ZC3H4: variants seen among roughly 807,000 people sequenced by gnomAD.
The protein encoded by ZC3H4 is zinc finger CCCH-type containing 4, also known as zinc finger CCCH domain-containing protein 4.
ZC3H4 carries 13 observed loss-of-function variants against 108.3 expected under a neutral mutation model. The ratio of observed to expected loss-of-function variants is 0.12; its 90% confidence interval spans 0.08 to 0.19. The LOEUF is 0.19. ZC3H4 is among the 10% of genes least tolerant of loss of function. ZC3H4 has a pLI of 1.00. For missense variants in ZC3H4, 1,734 were observed against 1,838.8 expected (o/e 0.94, Z 1.04); for synonymous variants, 917 against 749.6 (o/e 1.22, Z -3.65).
chr19:47,112,736 G>A (rs901461899), intron 1 of ZC3H4, 147 bp from the exon 2 acceptor site: 2 of 442,502 alleles, frequency 4.5e-6, no homozygotes, highest in Non-Finnish European at 7.5e-6. Flanking sequence ...CTCCGCGTAG[G>A]CCGCACGGCC....
chr19:47,101,376 G>A (rs1049884513), intron 2 of ZC3H4, among the ~76,000 whole-genome samples: 1 of 151,760 alleles, frequency 6.6e-6, no homozygotes, highest in African/African-American at 2.4e-5. Context: ...GGGCAACACA[G>A]TTAGACCCCG....
rs560408272 is a variant in ZC3H4, at chr19:47,088,926, G to T, written c.715+1041C>A. On this transcript the variant is annotated intron_variant, in intron 5 of 14. Coordinates refer to ENST00000253048, the MANE Select transcript of ZC3H4 (RefSeq NM_015168.2). ...AGAAAGACTGCTAGAAGAACCAATG[G>T]GCCGGGCGCGGTGGCTCACGCCTGT... 5.3e-5 allele frequency among the ~76,000 whole-genome samples: 8 copies of T among 151,796 alleles called. 1 individual carries two copies. In the South Asian group the frequency reaches 1.7e-3, roughly 32 times the overall value.
rs1249953637 is a variant in ZC3H4 at position 47,068,485 on chromosome 19, TCA to T, written c.2398+605_2398+606del. On this transcript the variant is annotated intron_variant, in intron 14 of 14. Transcript: ENST00000253048. ...AAGAGGCAGGGCCGGCTGGGCAGAC[TCA>T]GACATGGGCTCAAGCAAAACCTAGG... 3.9e-5 allele frequency among the ~76,000 whole-genome samples: 6 copies of T among 152,290 alleles called. No individual in the cohort carries two copies. The South Asian group carries it at 8.3e-4, about 21-fold the overall frequency.
intron 2 of ZC3H4, among the ~76,000 whole-genome samples, chr19:47,109,211 G>A (rs550175407): frequency 6.6e-6 from 1 of 152,050 alleles, no homozygotes; most frequent in Non-Finnish European, 1.5e-5. Flanking sequence ...TACAGTTTTT[G>A]ACTTAATTAC....
At chr19:47,078,335 A>G (rs144481192) in intron 11 of ZC3H4, among the ~76,000 whole-genome samples, 260 of 151,844 alleles carry the variant, frequency 1.7e-3, no homozygotes, top group Middle Eastern at 0.01. Flanking sequence ...TTAGCCAGGC[A>G]CGGACGGGCA....
chr19:47,085,485 C>CT, intron 6 of ZC3H4, 71 bp from the exon 7 acceptor site: 1 of 1,350,686 alleles, frequency 7.4e-7, no homozygotes, highest in South Asian at 1.5e-5. Context: ...CACCTACACA[C>CT]TGCTCCTTTT....
intron 11 of ZC3H4, among the ~76,000 whole-genome samples, chr19:47,074,849 C>T (rs1376220081): frequency 6.6e-6 from 1 of 152,188 alleles, no homozygotes; most frequent in Non-Finnish European, 1.5e-5. Context: ...TTCCTCCAGG[C>T]GCCCTCATGT....
chr19:47,082,356 C>A, intron 9 of ZC3H4, 61 bp from the exon 10 acceptor site: 1 of 1,265,334 alleles, frequency 7.9e-7, no homozygotes, highest in Non-Finnish European at 1.2e-6. Flanking sequence ...TTACTTCTGT[C>A]TGCAAAGGGA....
intron 11 of ZC3H4, among the ~76,000 whole-genome samples, chr19:47,078,569 C>T (rs2057463911): frequency 6.6e-6 from 1 of 151,548 alleles, no homozygotes. Flanking sequence ...GATCACCTGT[C>T]GAGGTGGGTG....
At chr19:47,101,540 CT>C (rs1394932892) in intron 2 of ZC3H4, among the ~76,000 whole-genome samples, 1 of 151,938 alleles carries the variant, frequency 6.6e-6, no homozygotes, top group Non-Finnish European at 1.5e-5. Context: ...CTATAAATAA[CT>C]AAAAAAAATT....
chr19:47,081,276 T>C (rs1236873802), intron 11 of ZC3H4, among the ~76,000 whole-genome samples: 1 of 152,158 alleles, frequency 6.6e-6, no homozygotes, highest in Non-Finnish European at 1.5e-5. Flanking sequence ...TTCCTTTCAT[T>C]TGGTCATGCC....
At chr19:47,112,665 AG>A in intron 1 of ZC3H4, 76 bp from the exon 2 acceptor site, 1 of 1,003,252 alleles carries the variant, frequency 1.0e-6, no homozygotes, top group Non-Finnish European at 1.3e-6. Context: ...TTAAGCTCGG[AG>A]GGCTCCTGAT....
At chr19:47,082,098 A>C in intron 10 of ZC3H4, 86 bp downstream of exon 10, 1 of 1,127,846 alleles carries the variant, frequency 8.9e-7, no homozygotes, top group Non-Finnish European at 1.4e-6. Context: ...AAGCACAGAG[A>C]AGGAAGATTG....
rs2057206330 is a variant in ZC3H4 at position 47,066,675 on chromosome 19, T to C, written c.3593A>G (p.Gln1198Arg). 6.2e-7 allele frequency: 1 copy of C among 1,611,728 alleles called. No homozygotes were observed. The highest frequency in any genetic ancestry group is 8.5e-7 in the Non-Finnish European group (1 of 1,179,582). ...AGCACCGGCCTTCCCTGTCTCTGGC[T>C]GTTCCAGGGCAGACTTGCGGACGAA... is the stretch of plus-strand genomic sequence containing the variant. Reference protein sequence around the residue: ...PPFVRKSALEQPETGKAGADG... With the variant: ...PPFVRKSALERPETGKAGADG... The change falls in exon 15 of 15, where the codon CAG becomes CGG. Residue 1198 changes from glutamine (Q) to arginine (R), a missense_variant. Physicochemically the swap from Gln to Arg is conservative, Grantham distance 43 (BLOSUM62 1). This residue lies in a region of ZC3H4 where 518 missense variants were observed against 499.6 expected (regional missense o/e 1.04). Transcript: ENST00000253048.
intron 11 of ZC3H4, 55 bp downstream of exon 11, chr19:47,081,458 G>T: frequency 7.3e-7 from 1 of 1,374,700 alleles, no homozygotes; most frequent in South Asian, 1.2e-5. Context: ...TGAGGCAATG[G>T]AGTGCGCATG....
intron 2 of ZC3H4, among the ~76,000 whole-genome samples, chr19:47,097,754 G>A (rs1568562683): frequency 6.6e-6 from 1 of 152,234 alleles, no homozygotes; most frequent in East Asian, 1.9e-4. Context: ...CCCAAGAAAA[G>A]TGGGGGAAGC....
chr19:47,084,839 G>A (rs1184005058), intron 8 of ZC3H4, among the ~76,000 whole-genome samples: 1 of 152,190 alleles, frequency 6.6e-6, no homozygotes, highest in Non-Finnish European at 1.5e-5. Context: ...GGCTGCAGGT[G>A]CTGCTAATGA....
At position 47,081,630 on chromosome 19, in the gene ZC3H4, G is replaced by A. The variant is rs371406282; in HGVS notation, c.1331-8C>T. The A allele has an allele frequency of 2.5e-6, 4 of 1,611,536 alleles. No homozygotes were observed. Among genetic ancestry groups the A allele is most frequent in the East Asian group, 2.2e-5 (1 of 44,886 alleles). ...GCTTACACGGGAAATCACGTTCATG[G>A]CAAATTAAGGTAAATGCTTCATCTC... is the stretch of plus-strand genomic sequence containing the variant. On this transcript the variant is annotated splice_region_variant and splice_polypyrimidine_tract_variant and intron_variant, in intron 10 of 14. Transcript: ENST00000253048.
chr19:47,069,617 G>A (rs920674157), intron 13 of ZC3H4, among the ~76,000 whole-genome samples: 3 of 152,188 alleles, frequency 2.0e-5, no homozygotes, highest in East Asian at 1.9e-4. Context: ...TTTGTAAGAC[G>A]CAAGGAGAAA....
Sources: gnomAD v4.1 joint callset for allele counts (sites outside exome capture counted in the v4.1 genomes callset) on GRCh38, gnomAD v4.1.1 for gene constraint, gnomAD v4.1.1 regional missense constraint, MANE v1.5 for transcripts, NCBI Gene and HGNC (gene_info 2026-07-23, HGNC 2026-07-21) for gene names.